Variants in ITGA8 observed in about 807,000 individuals in gnomAD.
ITGA8 encodes integrin alpha-8.
In ITGA8, 91 loss-of-function variants were observed where a neutral mutation model predicts 142.3. The ratio of observed to expected loss-of-function variants is 0.64; its 90% CI spans 0.54 to 0.76. The LOEUF is 0.76. ITGA8 is among the 30% of genes least tolerant of loss of function. The probability of loss-of-function intolerance (pLI) is 0.00; values close to 1 mark genes in which losing one functional copy is unlikely to be tolerated. For missense variants in ITGA8, 1,406 were observed against 1,327.7 expected (o/e 1.06, Z -0.92); for synonymous variants, 505 against 485.2 (o/e 1.04, Z -0.54).
chr10:15,572,257 G>T lies in ITGA8; in HGVS notation c.2591C>A (p.Pro864His). ...ATTAGGATTTGGTTGGCACTGCAGA[G>T]GTCCCAGAGTTTGAATATGGAAAAT... ...LYIFHIQTLG[P>H]LQCQPNPNIN... The change falls in exon 25 of 30, where the codon CCT (proline) becomes CAT (histidine). Residue 864 changes from proline (P) to histidine (H), a missense_variant. Pro to His is a moderately conservative substitution (Grantham distance 77). Transcript: ENST00000378076. 6.2e-7 allele frequency: 1 copy of T among 1,613,906 alleles called. No individual in the cohort carries two copies. The highest frequency in any genetic ancestry group is 8.5e-7 in the Non-Finnish European group (1 of 1,179,848).
intron 27 of ITGA8, among the ~76,000 whole-genome samples, chr10:15,537,302 T>TGTGAGG (rs1833465427): frequency 6.6e-6 from 1 of 152,170 alleles, no homozygotes; most frequent in African/African-American, 2.4e-5. Context: ...AATAACGCAT[T>TGTGAGG]CCTCTTTAGG....
chr10:15,616,998 A>T (rs533144954), intron 13 of ITGA8, among the ~76,000 whole-genome samples: 84 of 152,350 alleles, frequency 5.5e-4, no homozygotes, highest in African/African-American at 1.9e-3. Context: ...TCTGATTGTC[A>T]TTTTGACACA....
intron 26 of ITGA8, among the ~76,000 whole-genome samples, chr10:15,556,206 T>A (rs1833887596): frequency 6.6e-6 from 1 of 151,654 alleles, no homozygotes. Flanking sequence ...TTTTTTGTAT[T>A]TTTAGTAGAG....
chr10:15,627,045 A>G (rs1343497652), intron 13 of ITGA8, among the ~76,000 whole-genome samples: 1 of 152,150 alleles, frequency 6.6e-6, no homozygotes, highest in Non-Finnish European at 1.5e-5. Flanking sequence ...AACTTCCAGC[A>G]TGAGCCAGGT....
intron 11 of ITGA8, among the ~76,000 whole-genome samples, chr10:15,647,386 C>G (rs895510154): frequency 6.7e-6 from 1 of 148,346 alleles, no homozygotes; most frequent in African/African-American, 2.5e-5. Flanking sequence ...AACAAAATAG[C>G]TTTTTGTAAA....
chr10:15,679,962 T>C (rs1364237006), intron 4 of ITGA8, among the ~76,000 whole-genome samples: 1 of 152,218 alleles, frequency 6.6e-6, no homozygotes, highest in Non-Finnish European at 1.5e-5. Context: ...CCTGCATAGT[T>C]AGATTTGGAC....
chr10:15,577,825 C>T lies in ITGA8; in HGVS notation c.2373-2231G>A, dbSNP rs527355476. Among the ~76,000 whole-genome samples, 21 of 152,204 alleles carry T rather than the reference C, an allele frequency of 1.4e-4. 1 individual carries two copies. Among genetic ancestry groups the T allele is most frequent in the South Asian group, 6.2e-4 (3 of 4,822 alleles). ...TTACGACCCTCACTGCATAGCCTTC[C>T]GTCCTAAGATGGAAGATAGAACGTT... On this transcript the variant is annotated intron_variant, in intron 23 of 29. Coordinates refer to ENST00000378076, the MANE Select transcript of ITGA8 (RefSeq NM_003638.3).
intron 26 of ITGA8, 56 bp from the exon 27 acceptor site, chr10:15,548,624 A>G: frequency 1.9e-6 from 2 of 1,059,684 alleles, no homozygotes; most frequent in South Asian, 1.4e-5. Flanking sequence ...GAGACTGAAC[A>G]CTGAAGTTAG....
At chr10:15,599,111 G>A (rs547057497) in intron 20 of ITGA8, among the ~76,000 whole-genome samples, 1 of 151,142 alleles carries the variant, frequency 6.6e-6, no homozygotes, top group Non-Finnish European at 1.5e-5. Flanking sequence ...CTCACCTAAA[G>A]GTTAAAAGTT....
chr10:15,661,643 T>C (rs563958254), intron 8 of ITGA8, among the ~76,000 whole-genome samples: 1 of 152,308 alleles, frequency 6.6e-6, no homozygotes, highest in East Asian at 1.9e-4. Context: ...TTCTTCCAGC[T>C]TTTACTATAG....
At chr10:15,690,610 C>T (rs1415902645) in intron 2 of ITGA8, among the ~76,000 whole-genome samples, 1 of 152,194 alleles carries the variant, frequency 6.6e-6, no homozygotes, top group African/African-American at 2.4e-5. Context: ...CACCCCGTGG[C>T]TGCCTGCAGT....
intron 23 of ITGA8, 58 bp from the exon 24 acceptor site, chr10:15,575,652 C>G (rs1834276625): frequency 7.5e-7 from 1 of 1,331,046 alleles, no homozygotes; most frequent in South Asian, 1.2e-5. Context: ...GAATGTTTTA[C>G]TAGTGGACAG....
chr10:15,619,193 G>T (rs889652934), intron 13 of ITGA8, among the ~76,000 whole-genome samples: 2 of 152,086 alleles, frequency 1.3e-5, no homozygotes, highest in African/African-American at 4.8e-5. Context: ...ACCTTTACCA[G>T]TATTTCTCAG....
At chr10:15,641,232 T>A (rs1233755494) in intron 13 of ITGA8, among the ~76,000 whole-genome samples, 3 of 152,128 alleles carry the variant, frequency 2.0e-5, no homozygotes, top group Non-Finnish European at 4.4e-5. Context: ...GGGTCTTGAA[T>A]CTGAATAAAT....
chr10:15,668,518 C>T (rs982730515), intron 8 of ITGA8, among the ~76,000 whole-genome samples: 20 of 151,908 alleles, frequency 1.3e-4, no homozygotes, highest in African/African-American at 4.8e-4. Flanking sequence ...AGCCCATTTA[C>T]ATTTAAAGTT....
At position 15,655,367 on chromosome 10, in the gene ITGA8, C is replaced by T. The variant is rs1564394294; in HGVS notation, c.988G>A (p.Val330Ile). 1.9e-6 allele frequency: 3 copies of T among 1,604,282 alleles called. No homozygotes were observed. Among genetic ancestry groups the T allele is most frequent in the Non-Finnish European group, 2.6e-6 (3 of 1,171,318 alleles). The change falls in exon 11 of 30, where the codon GTT becomes ATT. Residue 330 changes from valine (V) to isoleucine (I), a missense_variant. By Grantham distance (29) the Val-to-Ile change is conservative. Transcript: ENST00000378076. ...YFGYTVVVSD[V>I]NSDGLDDVLV... ...CTATAAACTTACCCATCACTGTTAA[C>T]ATCTGATACGACAACGGTATATCCA...
chr10:15,561,245 A>ATATATATATATATATATATATATATATG (rs1554772750), intron 25 of ITGA8, among the ~76,000 whole-genome samples: 1 of 133,844 alleles, frequency 7.5e-6, no homozygotes, highest in African/African-American at 2.9e-5. Flanking sequence ...GTATATATAT[A>ATATATATATATATATATATATATATATG]TATATATATG....
At chr10:15,652,320 C>A (rs1834101504) in intron 11 of ITGA8, among the ~76,000 whole-genome samples, 1 of 152,186 alleles carries the variant, frequency 6.6e-6, no homozygotes, top group Non-Finnish European at 1.5e-5. Flanking sequence ...GGATTCAAAA[C>A]AGGAGTGGCC....
Position 15,631,554 on chromosome 10 carries a change from C to T in ITGA8, c.1399+12476G>A, listed in dbSNP as rs149531952. ...ACACAGAGACAGGAACATCACATAC[C>T]GGGTCCTGTTGAGGGGTGGGAGGCT... is the stretch of plus-strand genomic sequence containing the variant. On this transcript the variant is annotated intron_variant, in intron 13 of 29. Coordinates refer to ENST00000378076, the MANE Select transcript of ITGA8 (RefSeq NM_003638.3). 4.7e-4 allele frequency among the ~76,000 whole-genome samples: 71 copies of T among 151,686 alleles called. No individual in the cohort carries two copies. The East Asian group carries it at 0.012, about 26-fold the overall frequency.
Sources: gnomAD v4.1 joint callset for allele counts (sites outside exome capture counted in the v4.1 genomes callset) on GRCh38, gnomAD v4.1.1 for gene constraint, MANE v1.5 for transcripts, NCBI Gene and HGNC (gene_info 2026-07-23, HGNC 2026-07-21) for gene names.